The following TSPAN7 variants were observed in gnomAD, a reference collection of about 807,000 sequenced individuals.
TSPAN7 encodes tetraspanin-7.
In TSPAN7, 1 loss-of-function variant was observed where a neutral mutation model predicts 17.6. The observed-to-expected ratio is 0.06, with a 90% CI of 0.02 to 0.27. The LOEUF is 0.27. TSPAN7 is among the 10% of genes least tolerant of loss of function. The pLI is 1.00. For synonymous variants in TSPAN7, 78 were observed against 79.0 expected, an observed-to-expected ratio of 0.99 and a Z score of 0.07; for missense variants, 112 against 201.7, an observed-to-expected ratio of 0.56 and a Z score of 2.69.
chrX:38,668,750 T>C (rs2069800165), intron 2 of TSPAN7, among the ~76,000 whole-genome samples: 1 of 111,913 alleles, frequency 8.9e-6, no homozygotes, highest in South Asian at 3.7e-4. Context: ...CGTGGCTATC[T>C]CCTCAACATA....
intron 1 of TSPAN7, among the ~76,000 whole-genome samples, chrX:38,608,033 T>A (rs1306885531): frequency 9.0e-6 from 1 of 110,502 alleles, no homozygotes; most frequent in African/African-American, 3.3e-5. Context: ...GACCCCAGCC[T>A]TTAGGAAATA....
chrX:38,649,449 T>C (rs772733383), intron 1 of TSPAN7, among the ~76,000 whole-genome samples: 36 of 112,622 alleles, frequency 3.2e-4, no homozygotes, highest in African/African-American at 1.1e-3. Flanking sequence ...AGTGTCTTCA[T>C]TTATTTGAAG....
chrX:38,568,296 G>GTT (rs370418738), intron 1 of TSPAN7, among the ~76,000 whole-genome samples: 1 of 93,108 alleles, frequency 1.1e-5, no homozygotes, highest in African/African-American at 3.8e-5. Context: ...CTTCCTTGGT[G>GTT]TTTTTTTTTT....
At chrX:38,633,011 G>C (rs4827107) in intron 1 of TSPAN7, among the ~76,000 whole-genome samples, 21 of 112,352 alleles carry the variant, frequency 1.9e-4, no homozygotes, top group African/African-American at 6.2e-4. Flanking sequence ...TCACCCAGTA[G>C]TCTGAGGCAG....
intron 1 of TSPAN7, among the ~76,000 whole-genome samples, chrX:38,644,963 C>A: frequency 8.9e-6 from 1 of 112,035 alleles, no homozygotes; most frequent in East Asian, 2.8e-4. Context: ...TATTCTAACC[C>A]AGGAAGACAA....
rs201882606 is a variant in TSPAN7, at chrX:38,567,409, AGAC to A, written c.81+5783_81+5785del. ...ATTTATAAAACCATCAGATCTTGTGAGACTTATTCACTATCAGGAGAACAGCAT... is the reference window on the plus strand; with the variant it reads ...ATTTATAAAACCATCAGATCTTGTGATTATTCACTATCAGGAGAACAGCAT... On this transcript the variant is annotated intron_variant, in intron 1 of 7. Transcript: ENST00000378482. 9.1e-3 allele frequency among the ~76,000 whole-genome samples: 1,023 copies of A among 112,174 alleles called. 9 individuals are homozygous for A. Among genetic ancestry groups the A allele is most frequent in the African/African-American group, 0.032 (988 of 30,830 alleles).
intron 1 of TSPAN7, among the ~76,000 whole-genome samples, chrX:38,625,674 T>C (rs2069518023): frequency 1.8e-5 from 2 of 111,673 alleles, no homozygotes; most frequent in South Asian, 7.4e-4. Flanking sequence ...GGGAAAATAA[T>C]AGAGTAGAGA....
chrX:38,627,868 A>C (rs1020950380), intron 1 of TSPAN7, among the ~76,000 whole-genome samples: 1 of 113,031 alleles, frequency 8.8e-6, no homozygotes, highest in African/African-American at 3.2e-5. Flanking sequence ...TCTAGAGGGC[A>C]GTGCCCTCCA....
At chrX:38,626,562 TAGG>T (rs992641476) in intron 1 of TSPAN7, among the ~76,000 whole-genome samples, 1 of 110,666 alleles carries the variant, frequency 9.0e-6, no homozygotes, top group African/African-American at 3.3e-5. Context: ...GTGTTGGGTG[TAGG>T]AGAAAGGGCC....
chrX:38,596,919 T>C (rs1241016587), intron 1 of TSPAN7, among the ~76,000 whole-genome samples: 1 of 111,305 alleles, frequency 9.0e-6, no homozygotes. Flanking sequence ...TTTTCCAGGC[T>C]CATGGAAGAT....
intron 1 of TSPAN7, chrX:38,656,206 T>C (rs1237320895): frequency 3.1e-5 from 6 of 195,449 alleles, no homozygotes; most frequent in Non-Finnish European, 2.0e-5. Flanking sequence ...AAAGGATTTA[T>C]TCCTTCCCCA....
At chrX:38,602,444 A>G (rs1446559531) in intron 1 of TSPAN7, among the ~76,000 whole-genome samples, 2 of 111,809 alleles carry the variant, frequency 1.8e-5, no homozygotes, top group African/African-American at 6.5e-5. Flanking sequence ...TTGATAATAG[A>G]CAAAGGCATA....
At chrX:38,608,024 AC>A (rs1301574408) in intron 1 of TSPAN7, among the ~76,000 whole-genome samples, 1 of 110,593 alleles carries the variant, frequency 9.0e-6, no homozygotes, top group African/African-American at 3.3e-5. Flanking sequence ...GTAGGGAAGG[AC>A]CCCAGCCTTT....
chrX:38,669,907 A>G (rs1234608343), intron 2 of TSPAN7, among the ~76,000 whole-genome samples: 2 of 111,780 alleles, frequency 1.8e-5, no homozygotes, highest in Non-Finnish European at 3.8e-5. Context: ...GGCTTATCCC[A>G]TCAGCAAAAT....
intron 1 of TSPAN7, among the ~76,000 whole-genome samples, chrX:38,590,123 T>A (rs1241363823): frequency 2.7e-5 from 3 of 111,703 alleles, no homozygotes; most frequent in Admixed American, 1.9e-4. Context: ...TTTTTGTGAC[T>A]TTTTTTTGTG....
In TSPAN7 at chrX:38,688,345, G is replaced by T. The variant is rs1180786856; in HGVS notation, c.*414G>T. ...AGGCTCCTGTTAGCTCCTCACTGTG[G>T]TAAATGCCACACACCTTTAAGTAGA... On this transcript the variant is annotated 3_prime_UTR_variant, in exon 8 of 8. Coordinates refer to ENST00000378482, the MANE Select transcript of TSPAN7 (RefSeq NM_004615.4). 1.8e-5 allele frequency: 2 copies of T among 113,447 alleles called. No homozygotes were observed. Among genetic ancestry groups the T allele is most frequent in the African/African-American group, 6.4e-5 (2 of 31,238 alleles). 9.3% of individuals were successfully genotyped at this position (113,447 alleles called of 1,213,427 possible). A position where few individuals can be genotyped will look rare whatever the true frequency, so the allele number is the denominator to read the frequency against.
intron 1 of TSPAN7, among the ~76,000 whole-genome samples, chrX:38,610,416 G>T (rs902005036): frequency 8.9e-5 from 10 of 111,996 alleles, no homozygotes; most frequent in Non-Finnish European, 1.3e-4. Context: ...TTTAGGAAAT[G>T]TTAGCTTATA....
At chrX:38,681,852 C>T (rs186965023) in intron 6 of TSPAN7, among the ~76,000 whole-genome samples, 3 of 111,865 alleles carry the variant, frequency 2.7e-5, no homozygotes, top group African/African-American at 9.7e-5. Flanking sequence ...ATCCCTTTAT[C>T]TGTACCTACC....
chrX:38,591,723 C>G (rs1040382962), intron 1 of TSPAN7, among the ~76,000 whole-genome samples: 3 of 111,765 alleles, frequency 2.7e-5, no homozygotes, highest in African/African-American at 6.5e-5. Context: ...ATTGTTATGT[C>G]CTTGTGATAA....
Sources: gnomAD v4.1 joint callset for allele counts (sites outside exome capture counted in the v4.1 genomes callset) on GRCh38, gnomAD v4.1.1 for gene constraint, MANE v1.5 for transcripts, NCBI Gene and HGNC (gene_info 2026-07-23, HGNC 2026-07-21) for gene names.